Variants in SGCZ observed in about 807,000 individuals in gnomAD.
SGCZ encodes zeta-sarcoglycan.
In SGCZ, 40 loss-of-function variants were observed where a neutral mutation model predicts 41.3. That is an observed-to-expected ratio of 0.97 (90% CI 0.75 to 1.26). The LOEUF is 1.26. Among genes scored for constraint, SGCZ ranks in the 50% most tolerant of loss-of-function variants. The pLI is 0.00. For synonymous variants in SGCZ, 206 were observed against 137.5 expected (o/e 1.50, Z -3.49); for missense variants, 552 against 369.8 (o/e 1.49, Z -4.04).
intron 4 of SGCZ, among the ~76,000 whole-genome samples, chr8:14,227,998 G>C (rs191873578): frequency 1.3e-5 from 2 of 151,402 alleles, no homozygotes; most frequent in Non-Finnish European, 2.9e-5. Flanking sequence ...TCTGGGCTTG[G>C]GTGCCACCTC....
chr8:14,550,975 G>T (rs1248878690), intron 2 of SGCZ, among the ~76,000 whole-genome samples: 1 of 151,916 alleles, frequency 6.6e-6, no homozygotes, highest in East Asian at 1.9e-4. Context: ...GATCACGCAA[G>T]ACTTCTTTCC....
intron 1 of SGCZ, among the ~76,000 whole-genome samples, chr8:14,629,487 G>A (rs1199436331): frequency 6.6e-6 from 1 of 152,106 alleles, no homozygotes; most frequent in Non-Finnish European, 1.5e-5. Flanking sequence ...TATACAGTCA[G>A]TAGTGGTCTA....
chr8:14,833,740 A>C (rs1373658909), intron 1 of SGCZ, among the ~76,000 whole-genome samples: 1 of 152,140 alleles, frequency 6.6e-6, no homozygotes, highest in Non-Finnish European at 1.5e-5. Context: ...TGGTTGGAGC[A>C]AGTGGAGGAA....
rs189160357 is a variant in SGCZ, at chr8:15,191,420, T to C, written c.39+46165A>G. ...AAGTTGAATGTCACCGCTTAAGGGATTTATACTGAACTATAAACTTAGGAA... is the reference window on the plus strand; with the variant it reads ...AAGTTGAATGTCACCGCTTAAGGGACTTATACTGAACTATAAACTTAGGAA... On this transcript the variant is annotated intron_variant, in intron 1 of 7. Transcript: ENST00000382080. 1.9e-3 allele frequency among the ~76,000 whole-genome samples: 295 copies of C among 152,150 alleles called. 2 individuals are homozygous for C. Among genetic ancestry groups the C allele is most frequent in the African/African-American group, 6.0e-3 (247 of 41,482 alleles).
chr8:14,722,447 TTTA>T (rs1362305094), intron 1 of SGCZ, among the ~76,000 whole-genome samples: 2 of 152,110 alleles, frequency 1.3e-5, no homozygotes, highest in Non-Finnish European at 2.9e-5. Context: ...TAAGGAATAC[TTTA>T]TTATTATAAT....
intron 1 of SGCZ, among the ~76,000 whole-genome samples, chr8:14,651,080 C>A (rs1045814658): frequency 6.6e-6 from 1 of 151,874 alleles, no homozygotes; most frequent in African/African-American, 2.4e-5. Flanking sequence ...TAATTAGCAG[C>A]TATGTATCAG....
chr8:14,144,192 C>G (rs1392540627), intron 5 of SGCZ, among the ~76,000 whole-genome samples: 1 of 152,146 alleles, frequency 6.6e-6, no homozygotes, highest in African/African-American at 2.4e-5. Context: ...CGTCCCATAA[C>G]CCTAGGCTGC....
intron 1 of SGCZ, among the ~76,000 whole-genome samples, chr8:14,935,683 A>C (rs916533232): frequency 1.3e-5 from 2 of 151,948 alleles, no homozygotes; most frequent in Non-Finnish European, 2.9e-5. Flanking sequence ...CAACAAAATT[A>C]TAATTACTCC....
chr8:14,137,815 A>AG (rs1254003920), intron 5 of SGCZ, among the ~76,000 whole-genome samples: 1 of 152,202 alleles, frequency 6.6e-6, no homozygotes, highest in Non-Finnish European at 1.5e-5. Context: ...ATTGAAATTC[A>AG]GGAAATACAG....
In SGCZ at chr8:14,748,979, A is replaced by G. The variant is rs1038355431; in HGVS notation, c.40-194053T>C. Among the ~76,000 whole-genome samples the G allele has an allele frequency of 3.9e-5, 6 of 152,264 alleles. No individual in the cohort carries two copies. In the East Asian group the frequency reaches 1.2e-3, roughly 29 times the overall value. ...CATATTTATAATCATATGTACATTT[A>G]TATTCTCATATATATAAATTTTGGT... On this transcript the variant is annotated intron_variant, in intron 1 of 7. Coordinates refer to ENST00000382080, the MANE Select transcript of SGCZ (RefSeq NM_139167.4).
chr8:14,978,199 G>A (rs1801542634), intron 1 of SGCZ, among the ~76,000 whole-genome samples: 1 of 150,534 alleles, frequency 6.6e-6, no homozygotes, highest in Admixed American at 6.7e-5. Context: ...CGGGTGTGGT[G>A]GCTCACACCT....
At chr8:14,112,032 A>G (rs1802386043) in intron 5 of SGCZ, among the ~76,000 whole-genome samples, 1 of 152,176 alleles carries the variant, frequency 6.6e-6, no homozygotes, top group South Asian at 2.1e-4. Context: ...ATTGACATCC[A>G]TGTATTTTTT....
intron 1 of SGCZ, among the ~76,000 whole-genome samples, chr8:14,779,546 T>C (rs1800519875): frequency 6.6e-6 from 1 of 152,208 alleles, no homozygotes; most frequent in South Asian, 2.1e-4. Context: ...GAAGAAATGA[T>C]TGCTTTAAGC....
rs187345042 is a variant in SGCZ, at chr8:14,248,411, T to A, written c.337-10732A>T. The stretch of plus-strand genomic sequence containing the variant: ...GTAGAGAGTATCCCAGATGCGTATT[T>A]GTATATGATACACAGTTCATGTTAT... On this transcript the variant is annotated intron_variant, in intron 3 of 7. Transcript: ENST00000382080. Among the ~76,000 whole-genome samples, 12 of 152,252 alleles carry A rather than the reference T, an allele frequency of 7.9e-5. No homozygotes were observed. The East Asian group carries it at 2.1e-3, about 27-fold the overall frequency.
intron 5 of SGCZ, among the ~76,000 whole-genome samples, chr8:14,125,511 A>T (rs1383105793): frequency 6.8e-6 from 1 of 147,146 alleles, no homozygotes; most frequent in Non-Finnish European, 1.5e-5. Flanking sequence ...CTCAAAAAAA[A>T]AAAAAAGAAG....
chr8:14,470,508 G>A (rs1363879956), intron 2 of SGCZ, among the ~76,000 whole-genome samples: 6 of 152,034 alleles, frequency 3.9e-5, no homozygotes. Flanking sequence ...AGCACAGCAA[G>A]AATTAAAGTT....
intron 2 of SGCZ, among the ~76,000 whole-genome samples, chr8:14,507,893 T>A (rs1802354976): frequency 6.6e-6 from 1 of 151,838 alleles, no homozygotes; most frequent in Admixed American, 6.6e-5. Context: ...TGCCTCAGCC[T>A]TTCTGGTAGC....
chr8:14,426,362 T>TC (rs1210825709), intron 2 of SGCZ, among the ~76,000 whole-genome samples: 1 of 152,018 alleles, frequency 6.6e-6, no homozygotes, highest in African/African-American at 2.4e-5. Flanking sequence ...TGAGAGTATT[T>TC]CCCCTCCCCC....
chr8:14,984,124 A>G (rs555615334), intron 1 of SGCZ, among the ~76,000 whole-genome samples: 98 of 152,316 alleles, frequency 6.4e-4, no homozygotes, highest in African/African-American at 2.2e-3. Flanking sequence ...ACATAAATAT[A>G]GAGAGCGCTG....
Sources: gnomAD v4.1 joint callset for allele counts (sites outside exome capture counted in the v4.1 genomes callset) on GRCh38, gnomAD v4.1.1 for gene constraint, MANE v1.5 for transcripts, NCBI Gene and HGNC (gene_info 2026-07-23, HGNC 2026-07-21) for gene names.